WASHC2C: variants seen among roughly 807,000 people sequenced by gnomAD.
WASHC2C encodes WASH complex subunit 2C.
In WASHC2C, 73 loss-of-function variants were observed where a neutral mutation model predicts 142.2. The ratio of observed to expected loss-of-function variants is 0.51; its 90% CI spans 0.43 to 0.62. WASHC2C has a LOEUF of 0.62. Ranked by LOEUF, WASHC2C falls within the 20% of genes least tolerant of loss-of-function variation. The pLI is 0.00. For missense variants in WASHC2C, 969 were observed against 1,531.7 expected (o/e 0.63, Z 6.13); for synonymous variants, 337 against 565.5 (o/e 0.60, Z 5.73).
chr10:45,751,924 C>A (rs1208536316), intron 11 of WASHC2C, among the ~76,000 whole-genome samples: 2 of 152,124 alleles, frequency 1.3e-5, no homozygotes, highest in African/African-American at 4.8e-5. Flanking sequence ...TGGCAGTGAG[C>A]CTTGATCGCG....
chr10:45,776,138 T>C (rs1554886343), intron 21 of WASHC2C, among the ~76,000 whole-genome samples: 1 of 152,152 alleles, frequency 6.6e-6, no homozygotes, highest in African/African-American at 2.4e-5. Context: ...ACTTATCTCT[T>C]CCTAACTAAA....
intron 3 of WASHC2C, among the ~76,000 whole-genome samples, chr10:45,731,257 G>T (rs2050541430): frequency 7.3e-6 from 1 of 137,446 alleles, no homozygotes; most frequent in Non-Finnish European, 1.6e-5. Context: ...GTCTTGCTCT[G>T]TCATCCAGGC....
intron 30 of WASHC2C, among the ~76,000 whole-genome samples, 182 bp downstream of exon 30, chr10:45,790,715 C>G (rs2135841067): frequency 6.6e-6 from 1 of 152,260 alleles, no homozygotes; most frequent in Non-Finnish European, 1.5e-5. Context: ...TGAAGTAACT[C>G]TTTCCTATGA....
At chr10:45,731,461 C>T (rs1287126716) in intron 3 of WASHC2C, among the ~76,000 whole-genome samples, 4 of 143,548 alleles carry the variant, frequency 2.8e-5, no homozygotes, top group Non-Finnish European at 4.5e-5. Context: ...TGACCTCAAG[C>T]GATCTGCCCA....
chr10:45,761,586 G>T (rs1368941025), intron 17 of WASHC2C, among the ~76,000 whole-genome samples: 1 of 152,198 alleles, frequency 6.6e-6, no homozygotes, highest in East Asian at 1.9e-4. Context: ...GGCAGTCTAA[G>T]TAAGAGTTAA....
At chr10:45,769,673 G>A in intron 20 of WASHC2C, 55 bp downstream of exon 20, 2 of 1,611,112 alleles carry the variant, frequency 1.2e-6, no homozygotes, top group Non-Finnish European at 1.7e-6. Flanking sequence ...AACAAGAAAA[G>A]GAATCTGATG....
chr10:45,788,055 C>T (rs1270212693), intron 28 of WASHC2C, among the ~76,000 whole-genome samples: 1 of 152,208 alleles, frequency 6.6e-6, no homozygotes, highest in African/African-American at 2.4e-5. Flanking sequence ...TGTTTGCAAA[C>T]CTGTTTCCTT....
intron 3 of WASHC2C, among the ~76,000 whole-genome samples, chr10:45,733,959 G>A (rs1211974644): frequency 2.0e-5 from 3 of 152,144 alleles, no homozygotes; most frequent in Admixed American, 2.0e-4. Context: ...GCCGGGTGCG[G>A]TGGCTCACGC....
rs1188347795 is a variant in WASHC2C at position 45,753,408 on chromosome 10, G to A, written c.1180+171G>A. On this transcript the variant is annotated intron_variant, in intron 13 of 30. Transcript: ENST00000623400. ...ATTCATCTTCACTAATTCATGTCTTGGAAAAAACAGTACCATCTGTAAACC... is the reference window on the plus strand; with the variant it reads ...ATTCATCTTCACTAATTCATGTCTTAGAAAAAACAGTACCATCTGTAAACC... Among the ~76,000 whole-genome samples, 7 of 144,696 alleles carry A rather than the reference G, an allele frequency of 4.8e-5. No homozygotes were observed. In the East Asian group the frequency reaches 1.0e-3, roughly 21 times the overall value. 94.9% of individuals were successfully genotyped at this position (144,696 alleles called of 152,430 possible).
chr10:45,770,758 A>T (rs1215527538), intron 20 of WASHC2C, among the ~76,000 whole-genome samples: 1 of 152,176 alleles, frequency 6.6e-6, no homozygotes, highest in Admixed American at 6.5e-5. Flanking sequence ...GTTGATATTA[A>T]ATTCTGATTC....
At chr10:45,755,512 A>G (rs1486685215) in intron 15 of WASHC2C, among the ~76,000 whole-genome samples, 1 of 152,300 alleles carries the variant, frequency 6.6e-6, no homozygotes, top group African/African-American at 2.4e-5. Flanking sequence ...TTTCTCTGCC[A>G]AAAAGCTCAG....
At chr10:45,757,897 C>T (rs1222635920) in intron 16 of WASHC2C, among the ~76,000 whole-genome samples, 3 of 152,244 alleles carry the variant, frequency 2.0e-5, no homozygotes, top group East Asian at 1.9e-4. Context: ...TTCTAACAGG[C>T]CATGGACTGG....
intron 2 of WASHC2C, among the ~76,000 whole-genome samples, chr10:45,728,001 G>T (rs1328272049): frequency 6.6e-6 from 1 of 152,154 alleles, no homozygotes; most frequent in African/African-American, 2.4e-5. Context: ...GCTAACCCTT[G>T]GTCTGTGATC....
chr10:45,754,020 T>G (rs2338329), intron 13 of WASHC2C, among the ~76,000 whole-genome samples: 1 of 151,648 alleles, frequency 6.6e-6, no homozygotes. Flanking sequence ...CTGCTGTCCA[T>G]GTTTTGGCAT....
chr10:45,778,929 TC>T (rs2057292831), intron 22 of WASHC2C, 23 bp from the exon 23 acceptor site: 1 of 1,103,928 alleles, frequency 9.1e-7, no homozygotes, highest in South Asian at 1.5e-5. Flanking sequence ...ACTTATTTTT[TC>T]CCCCTATTAT....
chr10:45,787,760 G>T (rs1319129217), intron 28 of WASHC2C, among the ~76,000 whole-genome samples: 2 of 152,100 alleles, frequency 1.3e-5, no homozygotes, highest in Admixed American at 6.5e-5. Flanking sequence ...GCTGCCCAAG[G>T]CTCCTGCTGC....
chr10:45,772,785 G>A (rs1173726349), intron 20 of WASHC2C, among the ~76,000 whole-genome samples: 1 of 152,124 alleles, frequency 6.6e-6, no homozygotes, highest in East Asian at 1.9e-4. Context: ...ATTATGTCTC[G>A]ATAACGCTAC....
intron 21 of WASHC2C, among the ~76,000 whole-genome samples, chr10:45,776,017 A>G (rs1161806631): frequency 5.9e-5 from 9 of 152,154 alleles, no homozygotes; most frequent in Non-Finnish European, 1.2e-4. Flanking sequence ...TGAGTCCAGG[A>G]TGTTCCACAA....
chr10:45,770,706 G>T (rs2056494624), intron 20 of WASHC2C, among the ~76,000 whole-genome samples: 1 of 152,160 alleles, frequency 6.6e-6, no homozygotes, highest in Admixed American at 6.5e-5. Context: ...TTGACACTCG[G>T]ATGCATCTTT....
Sources: gnomAD v4.1 joint callset for allele counts (sites outside exome capture counted in the v4.1 genomes callset) on GRCh38, gnomAD v4.1.1 for gene constraint, MANE v1.5 for transcripts, NCBI Gene and HGNC (gene_info 2026-07-23, HGNC 2026-07-21) for gene names.